STARD13: variants seen among roughly 807,000 people sequenced by gnomAD.
The protein encoded by STARD13 is StAR related lipid transfer domain containing 13.
A neutral mutation model predicts 106.4 loss-of-function variants in STARD13; 62 were observed. That is an observed-to-expected ratio of 0.58 (90% CI 0.48 to 0.72). The LOEUF (loss-of-function observed/expected upper bound fraction) is 0.72. STARD13 is among the 30% of genes least tolerant of loss of function. STARD13 has a pLI of 0.00. For missense variants in STARD13, 1,387 were observed against 1,424.0 expected (o/e 0.97, Z 0.42); for synonymous variants, 565 against 553.0 (o/e 1.02, Z -0.31).
chr13:33,247,217 A>T (rs540381763), intron 1 of STARD13, among the ~76,000 whole-genome samples: 105 of 142,980 alleles, frequency 7.3e-4, no homozygotes, highest in Middle Eastern at 7.3e-3. Flanking sequence ...ATAAATAAAT[A>T]AATTAAATAA....
chr13:33,383,313 G>A, the STARD13 span, among the ~76,000 whole-genome samples: 154 of 151,756 alleles, frequency 1.0e-3, 1 homozygote, highest in Non-Finnish European at 1.5e-3. Context: ...CAGGAGAATC[G>A]CTTGAGGCTA....
intron 12 of STARD13, among the ~76,000 whole-genome samples, chr13:33,108,643 G>A (rs553352835): frequency 6.6e-6 from 1 of 152,184 alleles, no homozygotes; most frequent in Non-Finnish European, 1.5e-5. Flanking sequence ...GCACGTGGTC[G>A]TGATGGAACG....
At chr13:33,310,714 G>C (rs1010887273) in intron 1 of STARD13, among the ~76,000 whole-genome samples, 10 of 152,036 alleles carry the variant, frequency 6.6e-5, no homozygotes, top group South Asian at 2.1e-4. Context: ...ACTTCTCAGA[G>C]GCAGCAGGAT....
At chr13:33,200,028 G>C (rs542473256) in intron 1 of STARD13, among the ~76,000 whole-genome samples, 1 of 152,354 alleles carries the variant, frequency 6.6e-6, no homozygotes, top group Non-Finnish European at 1.5e-5. Flanking sequence ...TGAGGCAGTA[G>C]AGCATGTTTG....
chr13:33,575,240 C>T, the STARD13 span, among the ~76,000 whole-genome samples: 9 of 152,036 alleles, frequency 5.9e-5, no homozygotes, highest in East Asian at 7.7e-4. Flanking sequence ...TAAATATATT[C>T]GTATATGCCT....
At chr13:33,457,241 G>A in the STARD13 span, among the ~76,000 whole-genome samples, 2 of 152,228 alleles carry the variant, frequency 1.3e-5, no homozygotes, top group Non-Finnish European at 2.9e-5. Context: ...AATTCAGTCA[G>A]TAATGGAACT....
At chr13:33,156,281 T>C (rs1407217814) in intron 3 of STARD13, among the ~76,000 whole-genome samples, 1 of 152,216 alleles carries the variant, frequency 6.6e-6, no homozygotes, top group Admixed American at 6.5e-5. Context: ...GCCCTGGCCA[T>C]GTTGGGCACG....
At chr13:33,652,036 G>A in the STARD13 span, among the ~76,000 whole-genome samples, 2 of 152,208 alleles carry the variant, frequency 1.3e-5, no homozygotes, top group African/African-American at 2.4e-5. Context: ...ACGTTGAGCA[G>A]AACTGCCCAG....
the STARD13 span, among the ~76,000 whole-genome samples, chr13:33,417,607 A>T: frequency 1.3e-5 from 2 of 152,194 alleles, no homozygotes; most frequent in Non-Finnish European, 2.9e-5. Flanking sequence ...TAAAGTATGG[A>T]TCCATGCTGC....
the STARD13 span, among the ~76,000 whole-genome samples, chr13:33,540,108 C>T: frequency 6.6e-6 from 1 of 152,180 alleles, no homozygotes; most frequent in Non-Finnish European, 1.5e-5. Flanking sequence ...TAGTAGTTCC[C>T]CCTTAGCTTC....
At chr13:33,642,749 C>T in the STARD13 span, among the ~76,000 whole-genome samples, 1 of 151,892 alleles carries the variant, frequency 6.6e-6, no homozygotes, top group Non-Finnish European at 1.5e-5. Flanking sequence ...CTCTGTCTAT[C>T]GCCCTGTGTT....
At chr13:33,655,874 C>T in the STARD13 span, among the ~76,000 whole-genome samples, 1 of 152,204 alleles carries the variant, frequency 6.6e-6, no homozygotes, top group Non-Finnish European at 1.5e-5. Flanking sequence ...CAGGGAAATA[C>T]TGCAGCTGAC....
chr13:33,286,345 C>A (rs1160553901), upstream of STARD13, among the ~76,000 whole-genome samples: 3 of 152,144 alleles, frequency 2.0e-5, no homozygotes, highest in African/African-American at 7.2e-5. Flanking sequence ...TTGGAGGGCT[C>A]TTACAGATAA....
chr13:33,471,408 C>G, the STARD13 span, among the ~76,000 whole-genome samples: 3 of 152,196 alleles, frequency 2.0e-5, no homozygotes, highest in Non-Finnish European at 2.9e-5. Context: ...ATTCACAATG[C>G]TTAATCCTCA....
At chr13:33,645,125 TG>T in the STARD13 span, among the ~76,000 whole-genome samples, 24 of 152,306 alleles carry the variant, frequency 1.6e-4, no homozygotes, top group Middle Eastern at 3.4e-3. Flanking sequence ...GACCCTTGGC[TG>T]GCATTGTGAC....
chr13:33,265,187 T>C (rs1264268792), intron 1 of STARD13, among the ~76,000 whole-genome samples: 2 of 152,172 alleles, frequency 1.3e-5, no homozygotes, highest in Non-Finnish European at 2.9e-5. Flanking sequence ...TGAACTACAA[T>C]TCAGGTGGAG....
intron 12 of STARD13, 116 bp from the exon 13 acceptor site, chr13:33,107,050 A>G: frequency 2.1e-6 from 2 of 950,978 alleles, no homozygotes; most frequent in Middle Eastern, 2.6e-4. Context: ...TCAGATTCCA[A>G]TGCTAGTGAC....
At chr13:33,126,427 A>T (rs908390680) in intron 6 of STARD13, among the ~76,000 whole-genome samples, 187 bp from the exon 7 acceptor site, 2 of 152,192 alleles carry the variant, frequency 1.3e-5, no homozygotes, top group Non-Finnish European at 2.9e-5. Flanking sequence ...CCTGCTTGCT[A>T]TCTCTAGCTA....
the STARD13 span, among the ~76,000 whole-genome samples, chr13:33,569,014 G>C: frequency 2.7e-5 from 4 of 147,830 alleles, no homozygotes; most frequent in Non-Finnish European, 3.0e-5. Flanking sequence ...AGACTCATAG[G>C]AGAACTTCTC....
Sources: gnomAD v4.1 joint callset for allele counts (sites outside exome capture counted in the v4.1 genomes callset) on GRCh38, gnomAD v4.1.1 for gene constraint, MANE v1.5 for transcripts, NCBI Gene and HGNC (gene_info 2026-07-23, HGNC 2026-07-21) for gene names.